Variants in PRPS1 observed in about 807,000 individuals in gnomAD.
PRPS1 encodes the protein phosphoribosyl pyrophosphate synthetase 1.
A neutral mutation model predicts 16.9 loss-of-function variants in PRPS1; 1 was observed. The ratio of observed to expected loss-of-function variants is 0.06; its 90% CI spans 0.02 to 0.28. The LOEUF is 0.28. PRPS1 is among the 10% of genes least tolerant of loss of function. PRPS1 has a pLI of 1.00. For missense variants in PRPS1, 47 were observed against 254.0 expected (o/e 0.19, Z 5.54); for synonymous variants, 70 against 90.2 (o/e 0.78, Z 1.27).
chrX:107,639,225 CTA>C (rs1183112144), intron 1 of PRPS1, 68 bp from the exon 2 acceptor site: 1 of 1,127,138 alleles, frequency 8.9e-7, no homozygotes, highest in Non-Finnish European at 1.2e-6. Flanking sequence ...GATGTGGAAC[CTA>C]TGGATATGGA....
chrX:107,640,801 C>T (rs1021588204), intron 2 of PRPS1, 101 bp from the exon 3 acceptor site: 1 of 919,100 alleles, frequency 1.1e-6, no homozygotes, highest in Non-Finnish European at 1.6e-6. Context: ...TACCATAGTG[C>T]CTTTAACATA....
chrX:107,635,831 C>T (rs890939751), intron 1 of PRPS1, among the ~76,000 whole-genome samples: 38 of 109,887 alleles, frequency 3.5e-4, no homozygotes, highest in Admixed American at 3.1e-3. Flanking sequence ...GAGGTCAAGG[C>T]GGGCAGATCA....
chrX:107,630,972 G>A (rs746204757), intron 1 of PRPS1, among the ~76,000 whole-genome samples: 2 of 111,797 alleles, frequency 1.8e-5, no homozygotes, highest in Non-Finnish European at 3.8e-5. Flanking sequence ...ACAAGAAGGG[G>A]TGGTGATAAT....
At chrX:107,645,147 A>C (rs1430960357) in intron 4 of PRPS1, 30 bp from the exon 5 acceptor site, 6 of 1,209,718 alleles carry the variant, frequency 5.0e-6, no homozygotes, top group Non-Finnish European at 6.7e-6. Flanking sequence ...TAGAAGCCAC[A>C]CATACATATG....
At chrX:107,630,096 T>A (rs1169084395) in intron 1 of PRPS1, 1 of 112,198 alleles carries the variant, frequency 8.9e-6, no homozygotes, top group Non-Finnish European at 1.9e-5. Flanking sequence ...ATGCAAATGA[T>A]AGTGTAAACA....
chrX:107,634,894 C>T (rs1000128937), intron 1 of PRPS1, among the ~76,000 whole-genome samples: 1 of 105,725 alleles, frequency 9.5e-6, no homozygotes, highest in African/African-American at 3.5e-5. Context: ...GGCTGGAGTG[C>T]AATGACTTGA....
intron 3 of PRPS1, 151 bp downstream of exon 3, chrX:107,641,151 C>G: frequency 8.6e-7 from 1 of 1,165,857 alleles, no homozygotes; most frequent in Non-Finnish European, 1.1e-6. Flanking sequence ...CTTAAGCATA[C>G]TTCATGATCT....
intron 2 of PRPS1, among the ~76,000 whole-genome samples, chrX:107,640,060 C>T (rs966083600): frequency 6.2e-5 from 7 of 112,871 alleles, no homozygotes; most frequent in African/African-American, 9.6e-5. Context: ...GGGCATGGGC[C>T]GGGTGCGGTG....
At chrX:107,633,584 A>G (rs1164416307) in intron 1 of PRPS1, among the ~76,000 whole-genome samples, 1 of 111,195 alleles carries the variant, frequency 9.0e-6, no homozygotes, top group African/African-American at 3.3e-5. Context: ...TGATTTATAA[A>G]AAATTATTAT....
intron 5 of PRPS1, 56 bp downstream of exon 5, chrX:107,645,406 C>T: frequency 8.4e-7 from 1 of 1,189,967 alleles, no homozygotes; most frequent in Non-Finnish European, 1.1e-6. Context: ...CAATTGCTGT[C>T]TGAATGTCTT....
intron 2 of PRPS1, among the ~76,000 whole-genome samples, chrX:107,640,110 GGGAGGATT>G (rs1925538403): frequency 8.9e-6 from 1 of 112,763 alleles, no homozygotes; most frequent in Admixed American, 9.4e-5. Flanking sequence ...AGGCCGAGGC[GGGAGGATT>G]GCCTGAGCTC....
In PRPS1 at chrX:107,628,538, A is replaced by G. The variant is rs1925235157; in HGVS notation, c.-91A>G. 8.4e-7 allele frequency: 1 copy of G among 1,196,899 alleles called. No homozygotes were observed. The highest frequency in any genetic ancestry group is 1.1e-6 in the Non-Finnish European group (1 of 884,353). On this transcript the variant is annotated 5_prime_UTR_variant, in exon 1 of 7. Transcript: ENST00000372435. ...GTAAGATGGCGGAGTAGCAACGCAA[A>G]GCGCTTGGTATTGAGTCTGTGGCCG...
At position 107,628,833 on chromosome X, in the gene PRPS1, C is replaced by T. The variant is rs996405043; in HGVS notation, c.122+83C>T. 49 of 1,164,668 alleles carry T rather than the reference C, an allele frequency of 4.2e-5. No individual in the cohort carries two copies. The African/African-American group carries it at 5.4e-4, about 13-fold the overall frequency. The stretch of plus-strand genomic sequence containing the variant: ...GAGGGATGGGGTCGCCGCTTGAGCT[C>T]AAACAGACTGGGGGTTGGGGGGAGA... On this transcript the variant is annotated intron_variant, in intron 1 of 6. Coordinates refer to ENST00000372435, the MANE Select transcript of PRPS1 (RefSeq NM_002764.4).
intron 4 of PRPS1, 56 bp downstream of exon 4, chrX:107,642,546 G>A: frequency 8.3e-7 from 1 of 1,199,721 alleles, no homozygotes; most frequent in South Asian, 1.8e-5. Flanking sequence ...TCAGATGGTT[G>A]TGTCACAAAG....
Position 107,634,359 on chromosome X carries a change from C to T in PRPS1, c.123-4936C>T, listed in dbSNP as rs550209701. ...CCTCCCGAGTAGCTGGGACTATAAG[C>T]GCCCACCACCACGCCCAGCTAATGG... is the stretch of plus-strand genomic sequence containing the variant. On this transcript the variant is annotated intron_variant, in intron 1 of 6. Transcript: ENST00000372435. 5.0e-4 allele frequency among the ~76,000 whole-genome samples: 54 copies of T among 108,421 alleles called. No homozygotes were observed. The South Asian group carries it at 0.022, about 43-fold the overall frequency. 94.2% of individuals were successfully genotyped at this position (108,421 alleles called of 115,157 possible).
At chrX:107,635,466 G>T (rs1467153945) in intron 1 of PRPS1, among the ~76,000 whole-genome samples, 1 of 106,716 alleles carries the variant, frequency 9.4e-6, no homozygotes, top group Non-Finnish European at 1.9e-5. Flanking sequence ...TTTTGAGACA[G>T]TGTCTCACTC....
intron 1 of PRPS1, among the ~76,000 whole-genome samples, chrX:107,636,172 G>T (rs763916436): frequency 9.9e-5 from 11 of 111,034 alleles, no homozygotes; most frequent in Non-Finnish European, 1.7e-4. Flanking sequence ...ACCCAGGCTG[G>T]AGTGCAGCGG....
chrX:107,643,140 T>C (rs1175138395), intron 4 of PRPS1, among the ~76,000 whole-genome samples: 1 of 112,511 alleles, frequency 8.9e-6, no homozygotes, highest in African/African-American at 3.2e-5. Flanking sequence ...AAAACACAGA[T>C]GATTAGGAAG....
intron 1 of PRPS1, among the ~76,000 whole-genome samples, chrX:107,629,183 C>G (rs907727945): frequency 9.0e-6 from 1 of 111,524 alleles, no homozygotes; most frequent in African/African-American, 3.3e-5. Flanking sequence ...CTCTCCTGGT[C>G]TTTCTTTTCC....
Sources: gnomAD v4.1 joint callset for allele counts (sites outside exome capture counted in the v4.1 genomes callset) on GRCh38, gnomAD v4.1.1 for gene constraint, MANE v1.5 for transcripts, NCBI Gene and HGNC (gene_info 2026-07-23, HGNC 2026-07-21) for gene names.